NOL4: variants seen among roughly 807,000 people sequenced by gnomAD.
NOL4 encodes the protein cancer/testis antigen 125.
NOL4 carries 17 observed loss-of-function variants against 75.9 expected under a neutral mutation model. The ratio of observed to expected loss-of-function variants is 0.22; its 90% CI spans 0.15 to 0.34. NOL4 has a LOEUF of 0.34. Ranked by LOEUF, NOL4 falls within the 10% of genes least tolerant of loss-of-function variation. The pLI, the probability that NOL4 is intolerant of heterozygous loss-of-function variation, is 1.00. For missense variants in NOL4, 614 were observed against 793.5 expected, an observed-to-expected ratio of 0.77 and a Z score of 2.72; for synonymous variants, 292 against 289.9, an observed-to-expected ratio of 1.01 and a Z score of -0.07.
chr18:34,223,365 C>A lies in NOL4; in HGVS notation c.-112G>T. ...ACGTTGCAGGGATGCGAGGTCCCGG[C>A]CGCAGCGGGAGCCTGCTTTGGGTGG... On this transcript the variant is annotated 5_prime_UTR_variant, in exon 1 of 11. Transcript: ENST00000261592. The A allele has an allele frequency of 6.8e-7, 1 of 1,464,752 alleles. No homozygotes were observed. Among genetic ancestry groups the A allele is most frequent in the Middle Eastern group, 2.4e-4 (1 of 4,122 alleles). The allele number at this position is 1,464,752 out of a possible 1,614,324, so 90.7% of individuals were successfully genotyped here. A position where few individuals can be genotyped will look rare whatever the true frequency, so the allele number is the denominator to read the frequency against.
At chr18:33,949,714 T>A (rs182205204) in intron 8 of NOL4, among the ~76,000 whole-genome samples, 1 of 152,266 alleles carries the variant, frequency 6.6e-6, no homozygotes, top group Admixed American at 6.5e-5. Flanking sequence ...TATAAGCCAG[T>A]TAACCTTTGT....
At chr18:34,064,231 A>G (rs1212727237) in intron 5 of NOL4, among the ~76,000 whole-genome samples, 1 of 152,042 alleles carries the variant, frequency 6.6e-6, no homozygotes, top group Non-Finnish European at 1.5e-5. Flanking sequence ...TAAACAATCT[A>G]TCCTTAGCCA....
intron 1 of NOL4, among the ~76,000 whole-genome samples, chr18:34,159,930 T>G (rs1216097290): frequency 1.3e-5 from 2 of 152,078 alleles, no homozygotes; most frequent in African/African-American, 4.8e-5. Flanking sequence ...GGGGTGGAGT[T>G]GTCAGCTGGC....
rs372034274 is a variant in NOL4, at chr18:34,219,333, T to C, written c.264+3657A>G. On this transcript the variant is annotated intron_variant, in intron 1 of 10. Coordinates refer to ENST00000261592, the MANE Select transcript of NOL4 (RefSeq NM_003787.5). ...CATATTCATTACTTTCTTTGCTTGA[T>C]ACTGAAAGACAAAAACATGAGCTTA... is the stretch of plus-strand genomic sequence containing the variant. 6.6e-5 allele frequency among the ~76,000 whole-genome samples: 10 copies of C among 152,364 alleles called. No homozygotes were observed. The East Asian group carries it at 1.5e-3, about 24-fold the overall frequency.
chr18:34,114,222 C>T (rs1242180573), intron 2 of NOL4, among the ~76,000 whole-genome samples: 1 of 152,122 alleles, frequency 6.6e-6, no homozygotes, highest in African/African-American at 2.4e-5. Context: ...AGAACATTTT[C>T]TAGAATATTG....
intron 2 of NOL4, among the ~76,000 whole-genome samples, chr18:34,114,791 G>A (rs1006165154): frequency 2.6e-5 from 4 of 151,896 alleles, no homozygotes; most frequent in African/African-American, 9.7e-5. Context: ...CCAAATACTG[G>A]TCTATTTCTG....
At chr18:33,981,648 G>A (rs1157734460) in intron 6 of NOL4, among the ~76,000 whole-genome samples, 1 of 152,102 alleles carries the variant, frequency 6.6e-6, no homozygotes, top group African/African-American at 2.4e-5. Flanking sequence ...ATAAGAGAAT[G>A]TGTTACCAGG....
chr18:33,954,255 A>G (rs1247945265), intron 8 of NOL4, among the ~76,000 whole-genome samples: 1 of 152,186 alleles, frequency 6.6e-6, no homozygotes, highest in African/African-American at 2.4e-5. Context: ...AAAAATGTCT[A>G]TACGTGTTCA....
intron 1 of NOL4, among the ~76,000 whole-genome samples, chr18:34,199,013 T>C (rs2146465253): frequency 6.6e-6 from 1 of 152,008 alleles, no homozygotes; most frequent in South Asian, 2.1e-4. Context: ...GTTAATCTCT[T>C]AACTTTGAAT....
At chr18:34,158,762 A>T (rs548223074) in intron 1 of NOL4, 4 of 152,312 alleles carry the variant, frequency 2.6e-5, no homozygotes, top group African/African-American at 4.8e-5. Flanking sequence ...TTTAAAATAT[A>T]TTTCTTCTGA....
At chr18:34,205,902 T>C (rs1019873478) in intron 1 of NOL4, among the ~76,000 whole-genome samples, 4 of 152,176 alleles carry the variant, frequency 2.6e-5, no homozygotes, top group Non-Finnish European at 5.9e-5. Context: ...GAGTTCCATT[T>C]ATTCTTCTTT....
At chr18:33,996,925 T>C (rs1294227378) in intron 6 of NOL4, among the ~76,000 whole-genome samples, 1 of 151,938 alleles carries the variant, frequency 6.6e-6, no homozygotes, top group Non-Finnish European at 1.5e-5. Flanking sequence ...GGTGTATATA[T>C]ACCCAGTAAT....
At chr18:33,919,510 T>C (rs1421218703) in intron 9 of NOL4, among the ~76,000 whole-genome samples, 1 of 152,224 alleles carries the variant, frequency 6.6e-6, no homozygotes, top group Non-Finnish European at 1.5e-5. Context: ...AAGTCACTGC[T>C]GAATATTTTA....
At chr18:33,863,897 C>T (rs1194188377) in intron 10 of NOL4, among the ~76,000 whole-genome samples, 1 of 152,184 alleles carries the variant, frequency 6.6e-6, no homozygotes, top group Non-Finnish European at 1.5e-5. Context: ...CCCATACAGC[C>T]TCCAAAATCT....
chr18:34,059,443 AT>A (rs1039638346), intron 5 of NOL4, among the ~76,000 whole-genome samples: 2 of 151,202 alleles, frequency 1.3e-5, no homozygotes, highest in African/African-American at 4.9e-5. Flanking sequence ...GTTAATTCTG[AT>A]TTTTTTTCTT....
At chr18:34,050,629 G>T (rs572877048) in intron 5 of NOL4, among the ~76,000 whole-genome samples, 2 of 152,192 alleles carry the variant, frequency 1.3e-5, no homozygotes, top group South Asian at 2.1e-4. Context: ...ATGAATGCCA[G>T]AAATCACTAC....
chr18:34,078,116 G>T (rs1447459161), intron 5 of NOL4, among the ~76,000 whole-genome samples: 2 of 152,016 alleles, frequency 1.3e-5, no homozygotes, highest in African/African-American at 4.8e-5. Flanking sequence ...ATTACAATAT[G>T]TTGGCATTTT....
At chr18:34,118,548 T>A (rs775832774) in intron 2 of NOL4, among the ~76,000 whole-genome samples, 1 of 152,206 alleles carries the variant, frequency 6.6e-6, no homozygotes, top group Non-Finnish European at 1.5e-5. Context: ...GCGGCCTCTA[T>A]CTGAGGAAAA....
intron 5 of NOL4, among the ~76,000 whole-genome samples, chr18:34,091,446 G>C (rs1245201742): frequency 6.6e-6 from 1 of 152,046 alleles, no homozygotes; most frequent in African/African-American, 2.4e-5. Flanking sequence ...ACCATGAGAG[G>C]ATATGGTGTT....
Sources: gnomAD v4.1 joint callset for allele counts (sites outside exome capture counted in the v4.1 genomes callset) on GRCh38, gnomAD v4.1.1 for gene constraint, MANE v1.5 for transcripts, NCBI Gene and HGNC (gene_info 2026-07-23, HGNC 2026-07-21) for gene names.